The following ERG variants were observed in gnomAD, a reference collection of about 807,000 sequenced individuals.
ERG encodes the protein transcriptional regulator ERG.
Under a neutral mutation model 55.3 loss-of-function variants are expected in ERG, and 9 were observed. The ratio of observed to expected loss-of-function variants is 0.16; its 90% CI spans 0.10 to 0.28. The LOEUF (loss-of-function observed/expected upper bound fraction) is 0.28, where lower values mean the gene tolerates loss of function less well. Ranked by LOEUF, ERG falls within the 10% of genes least tolerant of loss-of-function variation. ERG has a pLI of 1.00. For missense variants in ERG, 434 were observed against 631.6 expected (o/e 0.69, Z 3.35); for synonymous variants, 223 against 237.3 (o/e 0.94, Z 0.55).
chr21:38,520,422 GGAACA>G (rs1202648592), intron 2 of ERG, among the ~76,000 whole-genome samples: 2 of 152,184 alleles, frequency 1.3e-5, no homozygotes, highest in Admixed American at 6.6e-5. Flanking sequence ...GGGCATCCGA[GGAACA>G]GACACAAGCC....
At chr21:38,469,025 C>T (rs2059117235) in intron 1 of ERG, among the ~76,000 whole-genome samples, 4 of 132,414 alleles carry the variant, frequency 3.0e-5, no homozygotes, top group Admixed American at 3.0e-4. Flanking sequence ...GAAAATGTGG[C>T]TTCAAGACCA....
At chr21:38,617,021 C>G (rs1454720852) in intron 1 of ERG, among the ~76,000 whole-genome samples, 1 of 152,080 alleles carries the variant, frequency 6.6e-6, no homozygotes, top group Non-Finnish European at 1.5e-5. Flanking sequence ...CTAAAATTAC[C>G]TGCCTGAATT....
Position 38,523,923 on chromosome 21 carries a change from C to T in ERG, c.-41+51739G>A, listed in dbSNP as rs377553452. ...GCTCATAAACAGAAACAGAGAGTTC[C>T]GGGATCCAAAGGCAAGACTGCGATT... On this transcript the variant is annotated intron_variant, in intron 2 of 8. Coordinates refer to the ERG transcript ENST00000398897. 4.6e-5 allele frequency among the ~76,000 whole-genome samples: 7 copies of T among 152,260 alleles called. No individual in the cohort carries two copies. The East Asian group carries it at 5.8e-4, about 13-fold the overall frequency.
At chr21:38,579,347 A>T (rs1214789655) in intron 1 of ERG, among the ~76,000 whole-genome samples, 1 of 152,226 alleles carries the variant, frequency 6.6e-6, no homozygotes, top group Non-Finnish European at 1.5e-5. Flanking sequence ...AAGGGAATAG[A>T]TAGAGATTCC....
intron 1 of ERG, among the ~76,000 whole-genome samples, chr21:38,492,455 T>A (rs1450339887): frequency 6.6e-6 from 1 of 152,224 alleles, no homozygotes; most frequent in African/African-American, 2.4e-5. Context: ...ACAATGATAA[T>A]TACATTACTC....
downstream of ERG, among the ~76,000 whole-genome samples, chr21:38,379,019 T>C (rs939862208): frequency 3.9e-5 from 6 of 152,202 alleles, no homozygotes; most frequent in Non-Finnish European, 8.8e-5. Context: ...GCTGCTATTC[T>C]ACATCTCATT....
intron 1 of ERG, among the ~76,000 whole-genome samples, chr21:38,487,362 C>T (rs1433256706): frequency 1.3e-5 from 2 of 151,836 alleles, no homozygotes; most frequent in Non-Finnish European, 2.9e-5. Flanking sequence ...AATTGTTTTT[C>T]AAATGGGGAA....
intron 2 of ERG, among the ~76,000 whole-genome samples, chr21:38,567,866 T>C (rs902683704): frequency 3.9e-5 from 6 of 152,228 alleles, no homozygotes; most frequent in Non-Finnish European, 4.4e-5. Context: ...TCGGCTCATC[T>C]GCTGGGCTCT....
At chr21:38,390,879 C>T (rs779788501) in intron 9 of ERG, 116 bp downstream of exon 9, 26 of 801,698 alleles carry the variant, frequency 3.2e-5, no homozygotes, top group Non-Finnish European at 4.9e-5. Context: ...TTCAGTGAGA[C>T]CTAAAACTAA....
chr21:38,657,691 C>G (rs2060527583), intron 1 of ERG, among the ~76,000 whole-genome samples: 1 of 152,190 alleles, frequency 6.6e-6, no homozygotes, highest in Non-Finnish European at 1.5e-5. Flanking sequence ...TGGAAAACTC[C>G]CGCTGTTGTT....
At chr21:38,627,107 A>C (rs2146951681) in intron 1 of ERG, among the ~76,000 whole-genome samples, 1 of 152,292 alleles carries the variant, frequency 6.6e-6, no homozygotes, top group South Asian at 2.1e-4. Context: ...AGAATAAAAA[A>C]AAATTTGCAA....
chr21:38,640,225 T>C (rs1393756557), intron 1 of ERG, among the ~76,000 whole-genome samples: 2 of 152,140 alleles, frequency 1.3e-5, no homozygotes, highest in Admixed American at 6.5e-5. Context: ...AAATCGAACA[T>C]TACAGCACAC....
rs1254160700 is a variant in ERG at position 38,380,122 on chromosome 21, T to C, written c.*3281A>G. 1 of 1,031,166 alleles carries C rather than the reference T, an allele frequency of 9.7e-7. No homozygotes were observed. The highest frequency in any genetic ancestry group is 6.1e-5 in the East Asian group (1 of 16,334). 63.9% of individuals were successfully genotyped at this position (1,031,166 alleles called of 1,614,324 possible). A position where few individuals can be genotyped will look rare whatever the true frequency, so the allele number is the denominator to read the frequency against. The stretch of plus-strand genomic sequence containing the variant: ...TGAATTAATGAGAAGCTAAATAAAC[T>C]AGCTTTTTAAAAAATATTTTCTTCT... On this transcript the variant is annotated 3_prime_UTR_variant, in exon 10 of 10. Coordinates refer to ENST00000288319, the MANE Select transcript of ERG (RefSeq NM_182918.4).
chr21:38,563,889 C>T (rs2059907261), intron 2 of ERG, among the ~76,000 whole-genome samples: 1 of 152,112 alleles, frequency 6.6e-6, no homozygotes, highest in South Asian at 2.1e-4. Context: ...ATTCAGAAGG[C>T]CAGAAAGGCA....
chr21:38,523,751 T>G (rs2059611599), intron 2 of ERG, among the ~76,000 whole-genome samples: 1 of 152,184 alleles, frequency 6.6e-6, no homozygotes, highest in African/African-American at 2.4e-5. Flanking sequence ...CTGGATCTGG[T>G]TTCGAAAACA....
chr21:38,595,999 G>C (rs534019062), intron 1 of ERG, among the ~76,000 whole-genome samples: 1 of 145,602 alleles, frequency 6.9e-6, no homozygotes, highest in Admixed American at 6.8e-5. Context: ...TCTGGAATCT[G>C]AACAGGTTTT....
intron 2 of ERG, among the ~76,000 whole-genome samples, chr21:38,559,837 C>A (rs1018984800): frequency 1.3e-5 from 2 of 152,114 alleles, no homozygotes; most frequent in East Asian, 3.9e-4. Flanking sequence ...TGCGCCACCA[C>A]GCCCAGCTAA....
chr21:38,612,362 T>C (rs1478469446), intron 1 of ERG, among the ~76,000 whole-genome samples: 1 of 152,218 alleles, frequency 6.6e-6, no homozygotes, highest in African/African-American at 2.4e-5. Context: ...GATTAAAGCA[T>C]ATTAATAAAA....
chr21:38,372,355 C>G, the ERG span, among the ~76,000 whole-genome samples: 3 of 151,608 alleles, frequency 2.0e-5, no homozygotes, highest in Admixed American at 1.3e-4. Context: ...TTATAATATC[C>G]CACTTCCTAA....
Sources: gnomAD v4.1 joint callset for allele counts (sites outside exome capture counted in the v4.1 genomes callset) on GRCh38, gnomAD v4.1.1 for gene constraint, MANE v1.5 for transcripts, NCBI Gene and HGNC (gene_info 2026-07-23, HGNC 2026-07-21) for gene names.